GPR158: variants seen among roughly 807,000 people sequenced by gnomAD.
The protein encoded by GPR158 is metabotropic glycine receptor.
In GPR158, 30 loss-of-function variants were observed where a neutral mutation model predicts 78.2. The observed-to-expected ratio is 0.38, with a 90% CI of 0.29 to 0.52. The LOEUF (loss-of-function observed/expected upper bound fraction) is 0.52, where lower values mean the gene tolerates loss of function less well. GPR158 is among the 20% of genes least tolerant of loss of function. The probability of loss-of-function intolerance (pLI) is 0.83; values close to 1 mark genes in which losing one functional copy is unlikely to be tolerated. For missense variants in GPR158, 1,463 were observed against 1,523.5 expected, an observed-to-expected ratio of 0.96 and a Z score of 0.66; for synonymous variants, 581 against 591.1, an observed-to-expected ratio of 0.98 and a Z score of 0.25.
intron 7 of GPR158, among the ~76,000 whole-genome samples, chr10:25,581,828 A>G (rs527347381): frequency 6.6e-6 from 1 of 152,280 alleles, no homozygotes; most frequent in Admixed American, 6.5e-5. Context: ...ACCCATGCAA[A>G]TGACAGTGTA....
At chr10:25,571,661 T>C (rs1400160460) in intron 6 of GPR158, among the ~76,000 whole-genome samples, 1 of 152,132 alleles carries the variant, frequency 6.6e-6, no homozygotes, top group African/African-American at 2.4e-5. Context: ...GGAGTTAAAA[T>C]CAGCCGAGAA....
At chr10:25,576,161 G>A (rs1179793290) in intron 7 of GPR158, among the ~76,000 whole-genome samples, 8 of 152,024 alleles carry the variant, frequency 5.3e-5, no homozygotes, top group Non-Finnish European at 1.2e-4. Flanking sequence ...ACCCAAGGGA[G>A]TGTACATTGT....
intron 1 of GPR158, among the ~76,000 whole-genome samples, chr10:25,207,231 A>G (rs1339093991): frequency 6.6e-6 from 1 of 152,162 alleles, no homozygotes; most frequent in African/African-American, 2.4e-5. Context: ...CAGCAAGACC[A>G]TGATGGGAAG....
chr10:25,554,347 G>C (rs901706194), intron 6 of GPR158, among the ~76,000 whole-genome samples: 1 of 152,114 alleles, frequency 6.6e-6, no homozygotes, highest in African/African-American at 2.4e-5. Flanking sequence ...GATAGGACAC[G>C]CAATAAAGAT....
rs59695469 is a variant in GPR158, at chr10:25,405,498, C to CTTTTTT, written c.1112-6727_1112-6722dup. The stretch of plus-strand genomic sequence containing the variant: ...AAAATCTGACAAGAGAAACAATTTC[C>CTTTTTT]TTTTTTTTTTTTTTTTTTTTTTTTT... On this transcript the variant is annotated intron_variant, in intron 3 of 10. Transcript: ENST00000376351. 1.6e-3 allele frequency among the ~76,000 whole-genome samples: 73 copies of CTTTTTT among 45,540 alleles called. 8 individuals carry two copies. The highest frequency in any genetic ancestry group is 4.0e-3 in the East Asian group (6 of 1,508). 29.9% of individuals were successfully genotyped at this position (45,540 alleles called of 152,430 possible). A position where few individuals can be genotyped will look rare whatever the true frequency, so the allele number is the denominator to read the frequency against.
intron 5 of GPR158, among the ~76,000 whole-genome samples, chr10:25,540,943 AAAATATATATAT>A (rs1235636652): frequency 2.4e-4 from 15 of 63,460 alleles, no homozygotes; most frequent in East Asian, 1.2e-3. Context: ...AAGTATAATA[AAAATATATATAT>A]ATATATATAT....
chr10:25,597,459 A>T (rs1837424607), intron 10 of GPR158, among the ~76,000 whole-genome samples: 4 of 152,256 alleles, frequency 2.6e-5, no homozygotes, highest in Admixed American at 2.6e-4. Context: ...TCCACACTTT[A>T]TGTGAAACAA....
intron 5 of GPR158, among the ~76,000 whole-genome samples, chr10:25,490,452 C>G (rs1835791741): frequency 1.2e-5 from 1 of 84,276 alleles, no homozygotes; most frequent in South Asian, 6.3e-4. Flanking sequence ...CTCCCCCCAC[C>G]CCACCACAGT....
At chr10:25,465,846 A>G (rs748764839) in intron 4 of GPR158, among the ~76,000 whole-genome samples, 24 of 152,262 alleles carry the variant, frequency 1.6e-4, no homozygotes, top group Non-Finnish European at 2.8e-4. Context: ...TCTCGTTTGT[A>G]AATTTCGTGG....
intron 2 of GPR158, among the ~76,000 whole-genome samples, chr10:25,230,331 C>A (rs1853431027): frequency 6.6e-6 from 1 of 152,226 alleles, no homozygotes; most frequent in Non-Finnish European, 1.5e-5. Context: ...GGCTGCAGAA[C>A]CATAGCAAAA....
chr10:25,263,924 G>A (rs914343020), intron 2 of GPR158, among the ~76,000 whole-genome samples: 2 of 152,286 alleles, frequency 1.3e-5, no homozygotes, highest in Admixed American at 1.3e-4. Context: ...GCGACAGAGT[G>A]AGACTGTCTT....
chr10:25,241,280 C>CTTTCCTTTCT (rs59929117), intron 2 of GPR158, among the ~76,000 whole-genome samples: 1,014 of 24,558 alleles, frequency 0.041, 56 homozygotes, highest in Non-Finnish European at 0.051. Context: ...TCCTTTCTTT[C>CTTTCCTTTCT]TTTCTTTTCT....
chr10:25,585,960 C>A (rs573248349), intron 7 of GPR158, among the ~76,000 whole-genome samples: 3 of 152,242 alleles, frequency 2.0e-5, no homozygotes, highest in African/African-American at 7.2e-5. Context: ...GCCTGGGTGA[C>A]AGACCAAGAC....
intron 4 of GPR158, among the ~76,000 whole-genome samples, chr10:25,439,358 C>T (rs188986973): frequency 1.2e-4 from 18 of 152,204 alleles, no homozygotes; most frequent in East Asian, 1.9e-4. Context: ...TGGGGGAAGC[C>T]GCCCCCATGA....
intron 1 of GPR158, among the ~76,000 whole-genome samples, chr10:25,193,452 G>A (rs1263785701): frequency 2.6e-5 from 4 of 152,164 alleles, no homozygotes; most frequent in African/African-American, 9.7e-5. Context: ...CCTCGAGATG[G>A]AATGAACTCT....
At chr10:25,260,956 G>A (rs1411533579) in intron 2 of GPR158, among the ~76,000 whole-genome samples, 1 of 152,120 alleles carries the variant, frequency 6.6e-6, no homozygotes, top group Non-Finnish European at 1.5e-5. Context: ...ATACCAGAAG[G>A]AGATTGTGTG....
chr10:25,370,910 T>C (rs902744591), intron 2 of GPR158, among the ~76,000 whole-genome samples: 2 of 151,632 alleles, frequency 1.3e-5, no homozygotes, highest in African/African-American at 2.4e-5. Flanking sequence ...TTGATCCCTT[T>C]ACCATTAAGT....
chr10:25,514,447 G>C (rs755877832), intron 5 of GPR158, among the ~76,000 whole-genome samples: 2 of 152,026 alleles, frequency 1.3e-5, no homozygotes, highest in African/African-American at 4.8e-5. Context: ...CAGTTACTTG[G>C]TTGGTGAATT....
chr10:25,302,667 A>G (rs1854616577), intron 2 of GPR158, among the ~76,000 whole-genome samples: 1 of 152,212 alleles, frequency 6.6e-6, no homozygotes. Flanking sequence ...GATAACTTGT[A>G]CAATATGTAA....
Sources: allele counts gnomAD v4.1 joint callset (sites outside exome capture counted in the v4.1 genomes callset), GRCh38; gene constraint gnomAD v4.1.1; transcripts MANE v1.5; gene names NCBI Gene and HGNC (gene_info 2026-07-23, HGNC 2026-07-21).